CALN1: variants seen among roughly 807,000 people sequenced by gnomAD.
CALN1 encodes calneuron 1.
Under a neutral mutation model 30.6 loss-of-function variants are expected in CALN1, and 17 were observed. The observed-to-expected ratio is 0.56, with a 90% CI of 0.38 to 0.83. The LOEUF is 0.83. Ranked by LOEUF, CALN1 falls within the 40% of genes least tolerant of loss-of-function variation. CALN1 has a pLI of 0.00. For missense variants in CALN1, 291 were observed against 354.9 expected, an observed-to-expected ratio of 0.82 and a Z score of 1.45; for synonymous variants, 156 against 131.4, an observed-to-expected ratio of 1.19 and a Z score of -1.28.
At chr7:72,158,988 G>A (rs991116463) in intron 3 of CALN1, among the ~76,000 whole-genome samples, 1 of 152,012 alleles carries the variant, frequency 6.6e-6, no homozygotes, top group African/African-American at 2.4e-5. Context: ...GAGTAGCTGG[G>A]ATTACAGGCA....
In CALN1 at chr7:71,779,679, CTAAGT is replaced by C. The variant is rs982501764; in HGVS notation, c.*8091_*8095del. ...CTTCATTTGATCGGTAAGTTGCATG[CTAAGT>C]TAATTTATATTAATATGTACATTTT... is the stretch of plus-strand genomic sequence containing the variant. On this transcript the variant is annotated 3_prime_UTR_variant, in exon 7 of 7. Coordinates refer to ENST00000395275, the MANE Select transcript of CALN1 (RefSeq NM_031468.4). 7 of 152,038 alleles carry C rather than the reference CTAAGT, an allele frequency of 4.6e-5. No individual in the cohort carries two copies. The highest frequency in any genetic ancestry group is 2.6e-4 in the Admixed American group (4 of 15,266). The allele number at this position is 152,038 out of a possible 1,614,324, so 9.4% of individuals were successfully genotyped here.
intron 5 of CALN1, among the ~76,000 whole-genome samples, chr7:71,817,342 T>C (rs1788325370): frequency 6.6e-6 from 1 of 152,212 alleles, no homozygotes; most frequent in African/African-American, 2.4e-5. Context: ...CTTTGTACTT[T>C]TATTGGTTTC....
At chr7:72,356,443 C>A (rs960763844) in intron 2 of CALN1, among the ~76,000 whole-genome samples, 2 of 151,872 alleles carry the variant, frequency 1.3e-5, no homozygotes, top group Admixed American at 6.6e-5. Flanking sequence ...ACTTTAGATA[C>A]AACTTGTATT....
At chr7:72,071,337 T>C (rs1045208271) in intron 4 of CALN1, among the ~76,000 whole-genome samples, 1 of 152,156 alleles carries the variant, frequency 6.6e-6, no homozygotes, top group African/African-American at 2.4e-5. Flanking sequence ...GCCCATTGTA[T>C]AAGCTCCACC....
At chr7:71,985,982 G>A (rs781682602) in intron 5 of CALN1, among the ~76,000 whole-genome samples, 16 of 152,038 alleles carry the variant, frequency 1.1e-4, no homozygotes, top group Non-Finnish European at 2.1e-4. Context: ...ATGTATTGAT[G>A]ATGGTATAAT....
At chr7:72,358,963 CAAA>C (rs545772468) in intron 2 of CALN1, among the ~76,000 whole-genome samples, 1 of 137,756 alleles carries the variant, frequency 7.3e-6, no homozygotes. Context: ...GACTCTACCT[CAAA>C]AAAAAAAAAA....
chr7:72,102,203 G>C (rs969928761), intron 4 of CALN1, among the ~76,000 whole-genome samples: 5 of 152,108 alleles, frequency 3.3e-5, no homozygotes, highest in African/African-American at 1.2e-4. Context: ...CCAGCACTTT[G>C]GGAGGCTGAG....
chr7:72,081,565 G>A (rs1186797290), intron 4 of CALN1, among the ~76,000 whole-genome samples: 3 of 152,024 alleles, frequency 2.0e-5, no homozygotes, highest in Non-Finnish European at 4.4e-5. Flanking sequence ...TGGGACTACA[G>A]GTGTGCACCA....
intron 3 of CALN1, among the ~76,000 whole-genome samples, chr7:72,275,085 G>A (rs530371332): frequency 6.6e-6 from 1 of 152,184 alleles, no homozygotes; most frequent in South Asian, 2.1e-4. Context: ...AACAGGTGGG[G>A]AAACCTGTAG....
chr7:72,333,294 G>T (rs999723395), intron 2 of CALN1, among the ~76,000 whole-genome samples: 1 of 152,200 alleles, frequency 6.6e-6, no homozygotes, highest in Admixed American at 6.5e-5. Flanking sequence ...ATTTTTTGAT[G>T]ACAGGCACTG....
At chr7:72,358,273 G>A (rs775869184) in intron 2 of CALN1, among the ~76,000 whole-genome samples, 3 of 151,944 alleles carry the variant, frequency 2.0e-5, no homozygotes, top group Non-Finnish European at 4.4e-5. Context: ...AGGATTATAG[G>A]TGTGAGCCAC....
At chr7:72,370,003 A>G (rs1393650214) in intron 2 of CALN1, among the ~76,000 whole-genome samples, 1 of 152,008 alleles carries the variant, frequency 6.6e-6, no homozygotes, top group East Asian at 1.9e-4. Flanking sequence ...AATGTACATC[A>G]TACAAAAAAT....
At position 72,251,305 on chromosome 7, in the gene CALN1, C is replaced by T. The variant is rs187495863; in HGVS notation, c.244+27381G>A. Among the ~76,000 whole-genome samples, 56 of 152,260 alleles carry T rather than the reference C, an allele frequency of 3.7e-4. No individual in the cohort carries two copies. In the East Asian group the frequency reaches 9.1e-3, roughly 25 times the overall value. ...TCTGCCCTTTATTATACTATCTATC[C>T]CAATTGTTTTCATCCTTCAGGGCCC... On this transcript the variant is annotated intron_variant, in intron 3 of 6. Transcript: ENST00000395275.
chr7:72,445,203 A>G (rs953240011), intron 1 of CALN1, among the ~76,000 whole-genome samples: 2 of 152,282 alleles, frequency 1.3e-5, no homozygotes, highest in Middle Eastern at 3.4e-3. Flanking sequence ...AGTTAGTGAC[A>G]TCTATTTCAA....
intron 3 of CALN1, among the ~76,000 whole-genome samples, chr7:72,164,829 A>G (rs1029428239): frequency 2.0e-5 from 3 of 152,160 alleles, no homozygotes; most frequent in Middle Eastern, 3.4e-3. Context: ...ATGCCTGGCT[A>G]ATTTGTTAAT....
At chr7:71,845,772 C>T (rs1301017924) in intron 5 of CALN1, among the ~76,000 whole-genome samples, 2 of 152,156 alleles carry the variant, frequency 1.3e-5, no homozygotes, top group Non-Finnish European at 2.9e-5. Context: ...TTAACACTCT[C>T]ATCCGGGCAC....
chr7:71,957,346 G>T (rs188696007), intron 5 of CALN1, among the ~76,000 whole-genome samples: 80 of 152,024 alleles, frequency 5.3e-4, no homozygotes, highest in Non-Finnish European at 9.4e-4. Context: ...AGACAAAAAC[G>T]TGATGAAATC....
intron 2 of CALN1, among the ~76,000 whole-genome samples, chr7:72,396,599 T>TG (rs1272365016): frequency 2.0e-5 from 3 of 152,098 alleles, no homozygotes; most frequent in Non-Finnish European, 4.4e-5. Context: ...AAGTGGTCCT[T>TG]GGACTTGGGA....
intron 3 of CALN1, among the ~76,000 whole-genome samples, chr7:72,262,996 T>C (rs1796368988): frequency 6.6e-6 from 1 of 152,226 alleles, no homozygotes; most frequent in South Asian, 2.1e-4. Context: ...TAGAGGCATT[T>C]ACATTGTGAA....
Sources: allele counts gnomAD v4.1 joint callset (sites outside exome capture counted in the v4.1 genomes callset), GRCh38; gene constraint gnomAD v4.1.1; transcripts MANE v1.5; gene names NCBI Gene and HGNC (gene_info 2026-07-23, HGNC 2026-07-21).